The following NINJ2 variants were observed in gnomAD, a reference collection of about 807,000 sequenced individuals.
NINJ2 encodes ninjurin 2.
A neutral mutation model predicts 11.7 loss-of-function variants in NINJ2; 12 were observed. The ratio of observed to expected loss-of-function variants is 1.02; its 90% confidence interval spans 0.66 to 1.66. NINJ2 has a LOEUF of 1.66. Ranked by LOEUF, NINJ2 falls within the 40% of genes most tolerant of loss-of-function variation. The pLI, the probability that NINJ2 is intolerant of heterozygous loss-of-function variation, is 0.00. For missense variants in NINJ2, 187 were observed against 181.8 expected (o/e 1.03, Z -0.16); for synonymous variants, 93 against 76.8 (o/e 1.21, Z -1.10).
chr12:657,504 G>A (rs979941781), intron 1 of NINJ2, among the ~76,000 whole-genome samples: 2 of 152,120 alleles, frequency 1.3e-5, no homozygotes, highest in African/African-American at 2.4e-5. Flanking sequence ...CAGGAGGATC[G>A]CTTGAACCCG....
At chr12:616,990 G>A (rs1325457024) in intron 1 of NINJ2, among the ~76,000 whole-genome samples, 1 of 152,220 alleles carries the variant, frequency 6.6e-6, no homozygotes, top group Non-Finnish European at 1.5e-5. Context: ...CGGATCACCT[G>A]AGGTCAAGAG....
At chr12:576,803 T>A (rs560739225) in intron 1 of NINJ2, among the ~76,000 whole-genome samples, 2 of 152,218 alleles carry the variant, frequency 1.3e-5, no homozygotes, top group Admixed American at 6.5e-5. Context: ...AGAATCGATC[T>A]GCTCCCTCTC....
At chr12:592,223 G>T (rs1947725888) in intron 1 of NINJ2, among the ~76,000 whole-genome samples, 1 of 152,122 alleles carries the variant, frequency 6.6e-6, no homozygotes, top group Non-Finnish European at 1.5e-5. Context: ...TCACTGGGCT[G>T]CTGCGACAAC....
In NINJ2 at chr12:591,770, C is replaced by T. The variant is rs1210762297; in HGVS notation, c.34-25592G>A. On this transcript the variant is annotated intron_variant, in intron 1 of 3. Transcript: ENST00000305108. This position sits in a 1 kb window ranked among gnomAD's most constrained non-coding sequence, Gnocchi z 5.0. ...GGGGTGCTGCCAGACTTTGTGGGAG[C>T]TGGCTGCAAGGGCCAAGGGTGTTTC... 2.0e-5 allele frequency among the ~76,000 whole-genome samples: 3 copies of T among 152,150 alleles called. No homozygotes were observed. Among genetic ancestry groups the T allele is most frequent in the African/African-American group, 4.8e-5 (2 of 41,450 alleles).
At chr12:592,145 TG>T (rs1947724798) in intron 1 of NINJ2, among the ~76,000 whole-genome samples, 1 of 152,092 alleles carries the variant, frequency 6.6e-6, no homozygotes, top group South Asian at 2.1e-4. Context: ...TAGGTGACCT[TG>T]AACAAGCTAA....
intron 1 of NINJ2, among the ~76,000 whole-genome samples, chr12:660,864 G>A (rs1408365585): frequency 6.6e-6 from 1 of 152,120 alleles, no homozygotes; most frequent in Non-Finnish European, 1.5e-5. Flanking sequence ...GGGAAGCTGA[G>A]GCAGGAGAAT....
chr12:647,910 C>G (rs921338899), intron 1 of NINJ2, among the ~76,000 whole-genome samples: 1 of 152,122 alleles, frequency 6.6e-6, no homozygotes, highest in Non-Finnish European at 1.5e-5. Context: ...CCTGCCCTGC[C>G]GCTTCCAGGC....
chr12:629,538 A>G (rs537415280), intron 1 of NINJ2, among the ~76,000 whole-genome samples: 1 of 152,304 alleles, frequency 6.6e-6, no homozygotes, highest in South Asian at 2.1e-4. Context: ...GGCCCCGTGC[A>G]GCCCAGGACG....
intron 1 of NINJ2, chr12:586,055 A>T (rs1388985762): frequency 6.6e-6 from 1 of 152,196 alleles, no homozygotes; most frequent in Non-Finnish European, 1.5e-5. Flanking sequence ...TGCATGGCCC[A>T]GTAAAAAGGA....
intron 1 of NINJ2, among the ~76,000 whole-genome samples, chr12:592,070 T>C (rs1947724131): frequency 6.6e-6 from 1 of 152,048 alleles, no homozygotes; most frequent in African/African-American, 2.4e-5. Context: ...CATTAATCTG[T>C]GACAGATGAA....
At chr12:593,042 A>G (rs1215401478) in intron 1 of NINJ2, among the ~76,000 whole-genome samples, 10 of 151,982 alleles carry the variant, frequency 6.6e-5, no homozygotes, top group African/African-American at 2.2e-4. Flanking sequence ...AAAAACAGGG[A>G]AAAAAAATGA....
chr12:600,897 T>C (rs1219901352), intron 1 of NINJ2, among the ~76,000 whole-genome samples: 1 of 152,162 alleles, frequency 6.6e-6, no homozygotes, highest in Non-Finnish European at 1.5e-5. Flanking sequence ...TGTTCTAGTA[T>C]TTATGTAATT....
At position 614,870 on chromosome 12, in the gene NINJ2, A is replaced by G. The variant is rs565718853; in HGVS notation, c.33+48458T>C. 2.7e-4 allele frequency among the ~76,000 whole-genome samples: 41 copies of G among 152,296 alleles called. 1 individual carries two copies. Among genetic ancestry groups the G allele is most frequent in the Admixed American group, 2.2e-3 (34 of 15,296 alleles). On this transcript the variant is annotated intron_variant, in intron 1 of 3. Transcript: ENST00000305108. This position sits in a 1 kb window ranked among gnomAD's most constrained non-coding sequence, Gnocchi z 5.1. ...CATTGTCAGCGCTCTATGAAAAACA[A>G]ATAGCAGTTATGCAAAGACAAGGAA...
chr12:621,382 A>G lies in NINJ2; in HGVS notation c.33+41946T>C, dbSNP rs570537463. Among the ~76,000 whole-genome samples, 8 of 151,988 alleles carry G rather than the reference A, an allele frequency of 5.3e-5. No individual in the cohort carries two copies. The South Asian group carries it at 1.7e-3, about 32-fold the overall frequency. ...AATGGGAGAATTGCTTGATCCTGAG[A>G]GTTTGAGGCTGTAGTGAGCTGTGAT... On this transcript the variant is annotated intron_variant, in intron 1 of 3. Transcript: ENST00000305108.
intron 1 of NINJ2, among the ~76,000 whole-genome samples, chr12:583,100 A>G (rs2446035): frequency 4.6e-5 from 5 of 109,608 alleles, no homozygotes; most frequent in African/African-American, 7.5e-5. Flanking sequence ...CAGGCATGCT[A>G]GTGTGAATGA....
chr12:595,832 T>G (rs879298761), intron 1 of NINJ2, among the ~76,000 whole-genome samples: 4 of 152,048 alleles, frequency 2.6e-5, no homozygotes, highest in African/African-American at 4.8e-5. Context: ...AATTCAACAA[T>G]CAGAATATGA....
At chr12:572,740 G>A (rs1051664743) in intron 1 of NINJ2, among the ~76,000 whole-genome samples, 6 of 152,036 alleles carry the variant, frequency 3.9e-5, no homozygotes, top group Non-Finnish European at 5.9e-5. Flanking sequence ...GTAGATGAGG[G>A]CATCATCATC....
chr12:659,201 A>C (rs12303868), intron 1 of NINJ2, among the ~76,000 whole-genome samples: 1 of 151,560 alleles, frequency 6.6e-6, no homozygotes, highest in African/African-American at 2.4e-5. Flanking sequence ...ATCTCATTCT[A>C]TCTGTATCTC....
At chr12:637,842 T>C (rs1948371309) in intron 1 of NINJ2, among the ~76,000 whole-genome samples, 1 of 152,154 alleles carries the variant, frequency 6.6e-6, no homozygotes, top group Admixed American at 6.5e-5. Context: ...CCTTGGCTTA[T>C]GAATACCTAG....
Sources: gnomAD v4.1 joint callset for allele counts (sites outside exome capture counted in the v4.1 genomes callset) on GRCh38, gnomAD v4.1.1 for gene constraint, Gnocchi (gnomAD v3.1) non-coding constraint, MANE v1.5 for transcripts, NCBI Gene and HGNC (gene_info 2026-07-23, HGNC 2026-07-21) for gene names.